DGKB: variants seen among roughly 807,000 people sequenced by gnomAD.
The protein encoded by DGKB is 90 kDa diacylglycerol kinase.
A neutral mutation model predicts 114.3 loss-of-function variants in DGKB; 67 were observed. The observed-to-expected ratio is 0.59, with a 90% CI of 0.48 to 0.72. The LOEUF is 0.72. DGKB is among the 30% of genes least tolerant of loss of function. The pLI, the probability that DGKB is intolerant of heterozygous loss-of-function variation, is 0.00. For synonymous variants in DGKB, 398 were observed against 323.1 expected (o/e 1.23, Z -2.49); for missense variants, 907 against 975.2 (o/e 0.93, Z 0.93).
chr7:14,534,879 A>G (rs965631392), intron 20 of DGKB, among the ~76,000 whole-genome samples: 6 of 152,214 alleles, frequency 3.9e-5, no homozygotes, highest in African/African-American at 1.2e-4. Context: ...ATAGAAATCA[A>G]TTGCAGAAAG....
intron 13 of DGKB, among the ~76,000 whole-genome samples, chr7:14,671,074 G>A (rs550291902): frequency 1.3e-5 from 2 of 152,238 alleles, no homozygotes; most frequent in East Asian, 3.9e-4. Context: ...GGCAGTTCTA[G>A]GTTTGGAATT....
intron 2 of DGKB, among the ~76,000 whole-genome samples, chr7:14,781,887 C>A (rs1311454760): frequency 6.6e-6 from 1 of 152,074 alleles, no homozygotes; most frequent in Admixed American, 6.6e-5. Context: ...ATGGTATTTT[C>A]TTTCCTCTCT....
intron 23 of DGKB, among the ~76,000 whole-genome samples, chr7:14,252,132 T>A: frequency 6.6e-6 from 1 of 152,172 alleles, no homozygotes; most frequent in East Asian, 1.9e-4. Context: ...TAATGCATAT[T>A]TGGCTTTCTT....
At chr7:14,313,506 G>A (rs1805806932) in intron 23 of DGKB, among the ~76,000 whole-genome samples, 1 of 152,156 alleles carries the variant, frequency 6.6e-6, no homozygotes, top group South Asian at 2.1e-4. Context: ...CAAAGAAAGG[G>A]GTGACGGACG....
intron 21 of DGKB, among the ~76,000 whole-genome samples, chr7:14,388,527 A>C (rs1420236742): frequency 1.3e-5 from 2 of 151,128 alleles, no homozygotes; most frequent in Non-Finnish European, 2.9e-5. Context: ...GGAGATAATA[A>C]GTCATCATTT....
intron 2 of DGKB, chr7:14,814,127 T>G (rs1843780774): frequency 6.6e-6 from 1 of 152,178 alleles, no homozygotes. Flanking sequence ...CCAAGCCAAC[T>G]AGAGACTGGT....
chr7:14,267,502 T>C (rs1315901386), intron 23 of DGKB, among the ~76,000 whole-genome samples: 1 of 151,924 alleles, frequency 6.6e-6, no homozygotes, highest in Non-Finnish European at 1.5e-5. Context: ...TTATTTATTT[T>C]TTTTGAGACG....
chr7:14,716,394 C>T (rs1459981150), intron 6 of DGKB, among the ~76,000 whole-genome samples: 2 of 152,114 alleles, frequency 1.3e-5, no homozygotes, highest in African/African-American at 4.8e-5. Flanking sequence ...CTTAGCTACC[C>T]TGGAAGTATG....
At chr7:14,404,864 T>C (rs940108050) in intron 21 of DGKB, among the ~76,000 whole-genome samples, 9 of 151,826 alleles carry the variant, frequency 5.9e-5, no homozygotes, top group Non-Finnish European at 1.0e-4. Flanking sequence ...ACTTCCTTAG[T>C]CACTCCCACT....
chr7:14,729,121 TTC>T (rs1830458910), intron 5 of DGKB, among the ~76,000 whole-genome samples: 1 of 136,076 alleles, frequency 7.3e-6, no homozygotes, highest in Non-Finnish European at 1.5e-5. Flanking sequence ...TTCATTTTCT[TTC>T]TTTTTTTTTT....
At chr7:14,210,062 A>T (rs910574779) in intron 23 of DGKB, among the ~76,000 whole-genome samples, 1 of 152,068 alleles carries the variant, frequency 6.6e-6, no homozygotes, top group Non-Finnish European at 1.5e-5. Flanking sequence ...TACAACAAGA[A>T]CATCTGTGTT....
At chr7:14,592,633 C>A (rs1009586356) in intron 17 of DGKB, among the ~76,000 whole-genome samples, 1 of 151,758 alleles carries the variant, frequency 6.6e-6, no homozygotes, top group Non-Finnish European at 1.5e-5. Context: ...CTGTACATAC[C>A]TTGGTATCAT....
chr7:14,632,966 G>T (rs1170749074), intron 13 of DGKB, among the ~76,000 whole-genome samples: 1 of 151,826 alleles, frequency 6.6e-6, no homozygotes, highest in Non-Finnish European at 1.5e-5. Context: ...AAACAGGTCC[G>T]ATGTTGCAAA....
intron 18 of DGKB, 59 bp downstream of exon 18, chr7:14,582,993 A>C (rs1264398270): frequency 9.2e-7 from 1 of 1,090,556 alleles, no homozygotes; most frequent in Non-Finnish European, 1.4e-6. Context: ...CACATAGATG[A>C]AACAGGATTT....
At chr7:14,386,587 A>G (rs1820378296) in intron 21 of DGKB, among the ~76,000 whole-genome samples, 1 of 152,226 alleles carries the variant, frequency 6.6e-6, no homozygotes, top group Admixed American at 6.5e-5. Flanking sequence ...ATTTTAGTGA[A>G]ATGCAAGAGA....
intron 23 of DGKB, among the ~76,000 whole-genome samples, chr7:14,283,886 C>T (rs1167064122): frequency 1.6e-4 from 24 of 152,010 alleles, no homozygotes; most frequent in South Asian, 4.2e-4. Context: ...AAGACTTAAA[C>T]GTTAGACCTA....
At chr7:14,785,158 A>G (rs1375623269) in intron 2 of DGKB, among the ~76,000 whole-genome samples, 1 of 152,218 alleles carries the variant, frequency 6.6e-6, no homozygotes, top group African/African-American at 2.4e-5. Context: ...ATTTTATCAC[A>G]TGACTTTCAA....
intron 23 of DGKB, among the ~76,000 whole-genome samples, chr7:14,304,783 TC>T (rs929154032): frequency 6.6e-6 from 1 of 152,166 alleles, no homozygotes; most frequent in African/African-American, 2.4e-5. Context: ...AAAAATTTGT[TC>T]AGCATGCCTG....
intron 21 of DGKB, among the ~76,000 whole-genome samples, chr7:14,430,785 T>A (rs1828337446): frequency 6.6e-6 from 1 of 152,212 alleles, no homozygotes; most frequent in African/African-American, 2.4e-5. Context: ...ATTGGCACAT[T>A]TTTATGTGTT....
Sources: allele counts gnomAD v4.1 joint callset (sites outside exome capture counted in the v4.1 genomes callset), GRCh38; gene constraint gnomAD v4.1.1; transcripts MANE v1.5; gene names NCBI Gene and HGNC (gene_info 2026-07-23, HGNC 2026-07-21).